The following MAP4K1 variants were observed in gnomAD, a reference collection of about 807,000 sequenced individuals.
The protein encoded by MAP4K1 is mitogen-activated protein kinase kinase kinase kinase 1.
MAP4K1 carries 35 observed loss-of-function variants against 122.8 expected under a neutral mutation model. That is an observed-to-expected ratio of 0.29 (90% CI 0.22 to 0.38). The LOEUF (loss-of-function observed/expected upper bound fraction) is 0.38, where lower values mean the gene tolerates loss of function less well. MAP4K1 is among the 10% of genes least tolerant of loss of function. The probability of loss-of-function intolerance (pLI) is 1.00; values close to 1 mark genes in which losing one functional copy is unlikely to be tolerated. For synonymous variants in MAP4K1, 412 were observed against 421.3 expected, an observed-to-expected ratio of 0.98 and a Z score of 0.27; for missense variants, 791 against 1,072.6, an observed-to-expected ratio of 0.74 and a Z score of 3.67.
chr19:38,614,439 C>A lies in MAP4K1; in HGVS notation c.320G>T (p.Gly107Val), dbSNP rs748687009. 6.2e-7 allele frequency: 1 copy of A among 1,614,080 alleles called. No homozygotes were observed. Among genetic ancestry groups the A allele is most frequent in the South Asian group, 1.1e-5 (1 of 91,078 alleles). ...GSLQDIYQVT[G>V]SLSELQISYV... ...GCTAATCTGGAGCTCTGACAGGGAG[C>A]CTGTCACTGCAAAGGTCACCCCGGC... The change falls in exon 5 of 31, where the codon GGC (glycine) becomes GTC (valine). Residue 107 changes from glycine (G) to valine (V), a missense_variant. By Grantham distance (109) the Gly-to-Val change is moderately radical. This residue lies in a region of MAP4K1 where 163 missense variants were observed against 286.1 expected (regional missense o/e 0.57). Coordinates refer to ENST00000396857, the MANE Select transcript of MAP4K1 (RefSeq NM_001042600.3).
At chr19:38,598,744 T>C (rs562230728) in intron 22 of MAP4K1, among the ~76,000 whole-genome samples, 21 of 152,312 alleles carry the variant, frequency 1.4e-4, no homozygotes, top group African/African-American at 4.8e-4. Flanking sequence ...CTGGGCACGG[T>C]GGCTTACACC....
chr19:38,599,251 G>A (rs1599697830), intron 22 of MAP4K1, among the ~76,000 whole-genome samples: 1 of 150,838 alleles, frequency 6.6e-6, no homozygotes, highest in East Asian at 1.9e-4. Context: ...GGGAGGCTGA[G>A]GCACGAGAAT....
chr19:38,604,128 C>CAAAAAAAAA (rs200072842), intron 19 of MAP4K1, among the ~76,000 whole-genome samples: 20 of 53,514 alleles, frequency 3.7e-4, no homozygotes, highest in Non-Finnish European at 5.6e-4. Context: ...GATACTATCT[C>CAAAAAAAAA]AAAAAAAAAA....
chr19:38,612,840 C>T, intron 8 of MAP4K1, 98 bp from the exon 9 acceptor site: 1 of 1,299,324 alleles, frequency 7.7e-7, no homozygotes, highest in Non-Finnish European at 1.1e-6. Flanking sequence ...ACGCAGCACA[C>T]AGAGAGTCAG....
chr19:38,607,244 G>T (rs1975355236), intron 16 of MAP4K1, among the ~76,000 whole-genome samples: 1 of 151,856 alleles, frequency 6.6e-6, no homozygotes, highest in Non-Finnish European at 1.5e-5. Context: ...GACGCTGAGG[G>T]TCAAGTCAAA....
In MAP4K1 at chr19:38,590,130, G is replaced by C. The variant is rs76889082; in HGVS notation, c.2397-2313C>G. ...CCGAAGTTAATATCACCAGTAATGG[G>C]ACAAACTAGCATTGTGTACTTCCTG... On this transcript the variant is annotated intron_variant, in intron 30 of 30. Transcript: ENST00000396857. Among the ~76,000 whole-genome samples the C allele has an allele frequency of 2.4e-3, 370 of 151,728 alleles. 1 individual carries two copies. The highest frequency in any genetic ancestry group is 8.5e-3 in the African/African-American group (351 of 41,420).
Position 38,595,970 on chromosome 19 carries a change from T to C in MAP4K1, c.2148A>G (p.Val716=), listed in dbSNP as rs753451844. ...TCAACACCATCACCATATCTTCCTC[T>C]ACCTGGGTCACCTGCACGGGTCCCC... The part of the protein sequence containing the change: ...EHRGPVQVTQ[V]EEDMVMVLMD... The change falls in exon 27 of 31, where the codon GTA becomes GTG. Residue 716 remains valine (V), a synonymous_variant. Transcript: ENST00000396857. 3.7e-6 allele frequency: 6 copies of C among 1,613,988 alleles called. No individual in the cohort carries two copies. Among genetic ancestry groups the C allele is most frequent in the Admixed American group, 1.7e-5 (1 of 60,002 alleles).
intron 20 of MAP4K1, among the ~76,000 whole-genome samples, chr19:38,600,773 T>C (rs1975035091): frequency 6.6e-6 from 1 of 150,990 alleles, no homozygotes; most frequent in African/African-American, 2.4e-5. Flanking sequence ...ATTCCTACTT[T>C]CACTCTCCAA....
At position 38,597,408 on chromosome 19, in the gene MAP4K1, G is replaced by C. The variant is rs780088074; in HGVS notation, c.1779-24C>G. On this transcript the variant is annotated intron_variant, in intron 23 of 30. Transcript: ENST00000396857. This position sits in a 1 kb window ranked among gnomAD's most constrained non-coding sequence, Gnocchi z 4.6. ...TCCTGGAGAATAGGTAGGTGTGAAG[G>C]GGGGTAGGACAGCAGGAGGCAGAGG... is the stretch of plus-strand genomic sequence containing the variant. The C allele has an allele frequency of 3.7e-6, 6 of 1,613,786 alleles. No homozygotes were observed. The East Asian group carries it at 6.7e-5, about 18-fold the overall frequency.
At chr19:38,601,048 C>T (rs891577649) in intron 20 of MAP4K1, among the ~76,000 whole-genome samples, 3 of 152,038 alleles carry the variant, frequency 2.0e-5, no homozygotes, top group Admixed American at 6.6e-5. Flanking sequence ...TCAAATGATC[C>T]GCCCGCCTCC....
chr19:38,603,706 G>A (rs758600762), intron 19 of MAP4K1, among the ~76,000 whole-genome samples: 23 of 152,172 alleles, frequency 1.5e-4, no homozygotes, highest in Middle Eastern at 3.4e-3. Context: ...AAGCTGGGCC[G>A]GGCGCGGTGG....
At chr19:38,602,740 A>G (rs916152548) in intron 19 of MAP4K1, among the ~76,000 whole-genome samples, 4 of 149,162 alleles carry the variant, frequency 2.7e-5, no homozygotes, top group African/African-American at 7.4e-5. Context: ...ATGTATACAT[A>G]TATACACATG....
At chr19:38,611,344 A>C in intron 9 of MAP4K1, 39 bp from the exon 10 acceptor site, 3 of 1,437,620 alleles carry the variant, frequency 2.1e-6, no homozygotes, top group African/African-American at 1.4e-5. Flanking sequence ...TCAGACCCTC[A>C]AGGGGGCCAG....
chr19:38,589,969 G>A (rs144643242), intron 30 of MAP4K1, among the ~76,000 whole-genome samples: 1 of 152,060 alleles, frequency 6.6e-6, no homozygotes, highest in Non-Finnish European at 1.5e-5. Flanking sequence ...GGTCGAGGCT[G>A]CAGTGAGCCA....
chr19:38,590,151 T>C (rs1187101878), intron 30 of MAP4K1, among the ~76,000 whole-genome samples: 2 of 151,610 alleles, frequency 1.3e-5, no homozygotes, highest in Non-Finnish European at 2.9e-5. Context: ...ATTGTGTACT[T>C]CCTGAAATGA....
At chr19:38,613,796 C>T in intron 8 of MAP4K1, 84 bp downstream of exon 8, 1 of 1,076,162 alleles carries the variant, frequency 9.3e-7, no homozygotes, top group Non-Finnish European at 1.4e-6. Flanking sequence ...GGAACGGAGC[C>T]AGGAAAGAGG....
At chr19:38,598,272 C>T (rs1053517912) in intron 22 of MAP4K1, among the ~76,000 whole-genome samples, 3 of 152,024 alleles carry the variant, frequency 2.0e-5, no homozygotes, top group African/African-American at 7.2e-5. Flanking sequence ...CTCAGGTGAT[C>T]TACCCGCCTC....
chr19:38,616,149 G>A (rs781149704), intron 4 of MAP4K1, 46 bp downstream of exon 4: 15 of 1,487,290 alleles, frequency 1.0e-5, no homozygotes, highest in South Asian at 3.5e-5. Context: ...GGGTTGGGGG[G>A]TGGGGATAGG....
rs1284640789 is a variant in MAP4K1, at chr19:38,600,871, T to C, written c.1531+570A>G. ...CCCAGGCTGGAGTGCAGTGGCATGA[T>C]CTCAGCTCACTGCAACTTCCGCCCC... On this transcript the variant is annotated intron_variant, in intron 20 of 30. Transcript: ENST00000396857. Among the ~76,000 whole-genome samples the C allele has an allele frequency of 6.0e-5, 9 of 148,896 alleles. No individual in the cohort carries two copies. In the East Asian group the frequency reaches 1.8e-3, roughly 30 times the overall value.
Sources: gnomAD v4.1 joint callset for allele counts (sites outside exome capture counted in the v4.1 genomes callset) on GRCh38, gnomAD v4.1.1 for gene constraint, gnomAD v4.1.1 regional missense constraint, Gnocchi (gnomAD v3.1) non-coding constraint, MANE v1.5 for transcripts, NCBI Gene and HGNC (gene_info 2026-07-23, HGNC 2026-07-21) for gene names.